The following PPP1R16B variants were observed in gnomAD, a reference collection of about 807,000 sequenced individuals.
PPP1R16B encodes protein phosphatase 1 regulatory subunit 16B.
A neutral mutation model predicts 61.7 loss-of-function variants in PPP1R16B; 14 were observed. The ratio of observed to expected loss-of-function variants is 0.23; its 90% CI spans 0.15 to 0.35. The LOEUF (loss-of-function observed/expected upper bound fraction) is 0.35, where lower values mean the gene tolerates loss of function less well. Ranked by LOEUF, PPP1R16B falls within the 10% of genes least tolerant of loss-of-function variation. The pLI is 1.00. For missense variants in PPP1R16B, 547 were observed against 752.5 expected, an observed-to-expected ratio of 0.73 and a Z score of 3.19; for synonymous variants, 266 against 305.3, an observed-to-expected ratio of 0.87 and a Z score of 1.34.
intron 2 of PPP1R16B, among the ~76,000 whole-genome samples, chr20:38,866,186 G>T (rs2085089469): frequency 6.6e-6 from 1 of 152,082 alleles, no homozygotes; most frequent in African/African-American, 2.4e-5. Flanking sequence ...TTTGATTTCT[G>T]CTTCTGGTTT....
intron 2 of PPP1R16B, among the ~76,000 whole-genome samples, chr20:38,863,673 C>T (rs208817): frequency 0.55 from 82,989 of 152,036 alleles, 23,008 homozygotes; most frequent in South Asian, 0.74. Context: ...AAGGGAATTG[C>T]GAGAATTAAA....
chr20:38,877,136 A>G (rs2085173215), intron 2 of PPP1R16B, among the ~76,000 whole-genome samples: 1 of 152,180 alleles, frequency 6.6e-6, no homozygotes, highest in Admixed American at 6.5e-5. Context: ...TCAACCTCCA[A>G]TTGTTTAGGC....
At chr20:38,871,707 A>G (rs1288453997) in intron 2 of PPP1R16B, among the ~76,000 whole-genome samples, 1 of 149,664 alleles carries the variant, frequency 6.7e-6, no homozygotes. Flanking sequence ...AGGGGAAGGA[A>G]CAGAGGGAGG....
At chr20:38,863,849 A>G (rs1334006256) in intron 2 of PPP1R16B, among the ~76,000 whole-genome samples, 2 of 152,228 alleles carry the variant, frequency 1.3e-5, no homozygotes, top group Non-Finnish European at 1.5e-5. Flanking sequence ...ATATTCCCCC[A>G]AGAGAAATGA....
rs1430471245 is a variant in PPP1R16B at position 38,861,642 on chromosome 20, G to A, written c.250+25467G>A. ...ATCTGCTGTTGCCACTTGAGGATCT[G>A]GATGGTGGGCCCTGGCCTGCTGCAG... On this transcript the variant is annotated intron_variant, in intron 2 of 10. Transcript: ENST00000299824. 3.3e-5 allele frequency among the ~76,000 whole-genome samples: 5 copies of A among 151,138 alleles called. No individual in the cohort carries two copies. The South Asian group carries it at 6.3e-4, about 19-fold the overall frequency.
chr20:38,916,468 A>G (rs61500956), intron 10 of PPP1R16B, among the ~76,000 whole-genome samples: 3,107 of 151,092 alleles, frequency 0.021, 115 homozygotes, highest in African/African-American at 0.072. Flanking sequence ...TATCTTGGAC[A>G]TCTTTCCATG....
At chr20:38,916,295 C>T (rs1292973769) in intron 10 of PPP1R16B, among the ~76,000 whole-genome samples, 1 of 144,622 alleles carries the variant, frequency 6.9e-6, no homozygotes, top group African/African-American at 2.5e-5. Flanking sequence ...ATATATATAA[C>T]ATATATATGT....
intron 2 of PPP1R16B, among the ~76,000 whole-genome samples, chr20:38,882,303 A>T (rs56011113): frequency 0.2 from 30,391 of 151,996 alleles, 3,143 homozygotes; most frequent in Middle Eastern, 0.24. Context: ...CCTCCAGGTC[A>T]GGTGGTGTTG....
chr20:38,831,627 T>G (rs1403145140), intron 1 of PPP1R16B, among the ~76,000 whole-genome samples: 1 of 151,602 alleles, frequency 6.6e-6, no homozygotes, highest in East Asian at 2.0e-4. Flanking sequence ...GTGCCCTATC[T>G]AAAGGGGACA....
chr20:38,847,065 G>C (rs2084940072), intron 2 of PPP1R16B, among the ~76,000 whole-genome samples: 1 of 152,050 alleles, frequency 6.6e-6, no homozygotes, highest in Non-Finnish European at 1.5e-5. Context: ...TTATTTACTA[G>C]GTAGATTCCT....
At chr20:38,887,717 A>AGCGCCAAAG (rs2085256397) in intron 2 of PPP1R16B, among the ~76,000 whole-genome samples, 1 of 152,238 alleles carries the variant, frequency 6.6e-6, no homozygotes, top group Non-Finnish European at 1.5e-5. Context: ...TGGTCAGGAC[A>AGCGCCAAAG]GCGCCAAAGG....
At chr20:38,882,362 T>C (rs1568672512) in intron 2 of PPP1R16B, among the ~76,000 whole-genome samples, 1 of 151,422 alleles carries the variant, frequency 6.6e-6, no homozygotes, top group Non-Finnish European at 1.5e-5. Context: ...TTTTTTTAAG[T>C]TTGTTGTTGT....
At chr20:38,859,156 T>C (rs1451412984) in intron 2 of PPP1R16B, among the ~76,000 whole-genome samples, 3 of 152,190 alleles carry the variant, frequency 2.0e-5, no homozygotes, top group Admixed American at 2.0e-4. Context: ...ACTGGGGCTG[T>C]CTTTAAACTG....
In PPP1R16B at chr20:38,921,920, A is replaced by C. The variant is rs1478852130; in HGVS notation, c.*3254A>C. On this transcript the variant is annotated 3_prime_UTR_variant, in exon 11 of 11. Coordinates refer to ENST00000299824, the MANE Select transcript of PPP1R16B (RefSeq NM_015568.4). ...AGGGGTGGATTCGGGAGCTGGGAGT[A>C]ACCAGGCAAAGTCAACCAGATGCCT... 1 of 152,198 alleles carries C rather than the reference A, an allele frequency of 6.6e-6. No individual in the cohort carries two copies. Among genetic ancestry groups the C allele is most frequent in the African/African-American group, 2.4e-5 (1 of 41,444 alleles). 9.4% of individuals were successfully genotyped at this position (152,198 alleles called of 1,614,324 possible).
At chr20:38,917,294 T>C (rs1368214224) in intron 10 of PPP1R16B, among the ~76,000 whole-genome samples, 1 of 127,992 alleles carries the variant, frequency 7.8e-6, no homozygotes, top group Non-Finnish European at 1.6e-5. Flanking sequence ...AGACTCCGTC[T>C]CAAAAAAAAA....
chr20:38,854,187 C>A (rs1023102355), intron 2 of PPP1R16B, among the ~76,000 whole-genome samples: 4 of 152,134 alleles, frequency 2.6e-5, no homozygotes, highest in African/African-American at 9.7e-5. Context: ...TGGGGTGGAC[C>A]AAACACTGCC....
chr20:38,899,395 A>G (rs1202351042), intron 4 of PPP1R16B, among the ~76,000 whole-genome samples: 1 of 152,158 alleles, frequency 6.6e-6, no homozygotes, highest in Non-Finnish European at 1.5e-5. Flanking sequence ...CGGTATTACA[A>G]TCACCTGGGG....
chr20:38,874,759 A>G (rs1044859042), intron 2 of PPP1R16B, among the ~76,000 whole-genome samples: 1 of 152,174 alleles, frequency 6.6e-6, no homozygotes, highest in Non-Finnish European at 1.5e-5. Context: ...TGGCTCTCTC[A>G]TACATTCTCA....
intron 2 of PPP1R16B, among the ~76,000 whole-genome samples, chr20:38,856,859 T>A (rs1333166143): frequency 6.6e-6 from 1 of 152,216 alleles, no homozygotes; most frequent in African/African-American, 2.4e-5. Flanking sequence ...TATGCCACAG[T>A]CATGGTTACT....
Sources: allele counts gnomAD v4.1 joint callset (sites outside exome capture counted in the v4.1 genomes callset), GRCh38; gene constraint gnomAD v4.1.1; transcripts MANE v1.5; gene names NCBI Gene and HGNC (gene_info 2026-07-23, HGNC 2026-07-21).